The following TASP1 variants were observed in gnomAD, a reference collection of about 807,000 sequenced individuals.
TASP1 encodes taspase 1.
A neutral mutation model predicts 56.6 loss-of-function variants in TASP1; 16 were observed. The ratio of observed to expected loss-of-function variants is 0.28; its 90% confidence interval spans 0.19 to 0.43. TASP1 has a LOEUF of 0.43. Among genes scored for constraint, TASP1 ranks in the 20% least tolerant of loss-of-function variants. TASP1 has a pLI of 1.00. For missense variants in TASP1, 393 were observed against 511.6 expected, an observed-to-expected ratio of 0.77 and a Z score of 2.24; for synonymous variants, 179 against 184.2, an observed-to-expected ratio of 0.97 and a Z score of 0.23.
At chr20:13,253,273 C>T in the TASP1 span, among the ~76,000 whole-genome samples, 1 of 152,188 alleles carries the variant, frequency 6.6e-6, no homozygotes, top group Non-Finnish European at 1.5e-5. Context: ...GCTTCCTTCA[C>T]CCAGGGACCC....
chr20:13,214,962 T>C, the TASP1 span, among the ~76,000 whole-genome samples: 3 of 152,226 alleles, frequency 2.0e-5, no homozygotes, highest in Admixed American at 6.5e-5. Context: ...AAATGTATGG[T>C]GAGAGAAGTC....
At chr20:13,548,103 T>C (rs2045868694) in intron 8 of TASP1, among the ~76,000 whole-genome samples, 1 of 151,978 alleles carries the variant, frequency 6.6e-6, no homozygotes, top group Non-Finnish European at 1.5e-5. Context: ...TGGCAAAAGA[T>C]TGGAAAGACA....
At chr20:13,282,991 C>T in the TASP1 span, among the ~76,000 whole-genome samples, 1 of 152,134 alleles carries the variant, frequency 6.6e-6, no homozygotes, top group East Asian at 1.9e-4. Context: ...TCCGGAATTC[C>T]ATACAGCATC....
the TASP1 span, among the ~76,000 whole-genome samples, chr20:13,137,288 T>C: frequency 1.3e-5 from 2 of 152,176 alleles, no homozygotes; most frequent in South Asian, 4.1e-4. Context: ...GGGAAGTTGT[T>C]GCCTTGGCTG....
At chr20:13,140,354 C>CA in the TASP1 span, among the ~76,000 whole-genome samples, 32 of 152,176 alleles carry the variant, frequency 2.1e-4, no homozygotes, top group African/African-American at 6.3e-4. Context: ...GGACCATAGA[C>CA]GAAAAGGAAG....
intron 13 of TASP1, among the ~76,000 whole-genome samples, chr20:13,407,677 AT>A (rs1463872435): frequency 6.6e-6 from 1 of 152,130 alleles, no homozygotes; most frequent in Non-Finnish European, 1.5e-5. Flanking sequence ...TAGCAGCACC[AT>A]TTTTACATTC....
the TASP1 span, among the ~76,000 whole-genome samples, chr20:13,319,501 A>G: frequency 3.9e-5 from 6 of 152,224 alleles, no homozygotes; most frequent in African/African-American, 1.4e-4. Flanking sequence ...GGAGAGTGAG[A>G]GAAGGGAGCT....
the TASP1 span, among the ~76,000 whole-genome samples, chr20:13,205,212 C>T: frequency 6.6e-6 from 1 of 152,168 alleles, no homozygotes; most frequent in Admixed American, 6.5e-5. Context: ...CTCCACTCCC[C>T]TCTCACTGTA....
intron 10 of TASP1, among the ~76,000 whole-genome samples, chr20:13,484,057 T>G (rs1361799036): frequency 6.6e-6 from 1 of 152,040 alleles, no homozygotes; most frequent in Non-Finnish European, 1.5e-5. Flanking sequence ...CATGCAAAAA[T>G]GCTTATCATC....
the TASP1 span, among the ~76,000 whole-genome samples, chr20:13,176,759 A>G: frequency 6.6e-6 from 1 of 152,242 alleles, no homozygotes; most frequent in Admixed American, 6.5e-5. Flanking sequence ...CAAATTCAAT[A>G]AAATTGCAGG....
chr20:13,279,568 C>T, the TASP1 span: 1 of 1,499,580 alleles, frequency 6.7e-7, no homozygotes, highest in East Asian at 2.4e-5. Flanking sequence ...AGACTTTCTT[C>T]CAAGGGTCAT....
the TASP1 span, among the ~76,000 whole-genome samples, chr20:13,233,764 C>T: frequency 1.3e-5 from 2 of 152,146 alleles, no homozygotes; most frequent in African/African-American, 4.8e-5. Flanking sequence ...CCTTCTCTTA[C>T]ACATAAGGTA....
At chr20:13,363,790 G>A in the TASP1 span, among the ~76,000 whole-genome samples, 16 of 152,166 alleles carry the variant, frequency 1.1e-4, no homozygotes, top group East Asian at 1.9e-4. Context: ...GGCAGTGCAG[G>A]GAGGGGGAAC....
chr20:13,166,278 C>G, the TASP1 span: 1 of 152,616 alleles, frequency 6.6e-6, no homozygotes, highest in Non-Finnish European at 1.5e-5. Context: ...AGAAACTCCA[C>G]CCGCAGCGCC....
chr20:13,224,395 C>A, the TASP1 span, among the ~76,000 whole-genome samples: 2 of 152,160 alleles, frequency 1.3e-5, no homozygotes, highest in South Asian at 4.1e-4. Flanking sequence ...CGTTTTCAGG[C>A]CCCAGAAAGT....
chr20:13,349,582 G>A, the TASP1 span, among the ~76,000 whole-genome samples: 2 of 152,098 alleles, frequency 1.3e-5, no homozygotes, highest in Non-Finnish European at 2.9e-5. Flanking sequence ...AAGAGGACCA[G>A]CATATCCAGT....
chr20:13,419,518 G>A (rs528759338), intron 12 of TASP1, among the ~76,000 whole-genome samples: 1 of 152,290 alleles, frequency 6.6e-6, no homozygotes, highest in Admixed American at 6.5e-5. Flanking sequence ...TCAAAATTCT[G>A]AGTTTTCGAA....
the TASP1 span, among the ~76,000 whole-genome samples, chr20:13,193,230 A>C: frequency 6.6e-6 from 1 of 152,226 alleles, no homozygotes; most frequent in Non-Finnish European, 1.5e-5. Flanking sequence ...AATTACAAAC[A>C]TGACAGCTGT....
At chr20:13,419,525 C>T (rs1428936733) in intron 12 of TASP1, among the ~76,000 whole-genome samples, 1 of 152,184 alleles carries the variant, frequency 6.6e-6, no homozygotes. Flanking sequence ...TCTGAGTTTT[C>T]GAAGGCATTT....
Sources: allele counts gnomAD v4.1 joint callset (sites outside exome capture counted in the v4.1 genomes callset), GRCh38; gene constraint gnomAD v4.1.1; transcripts MANE v1.5; gene names NCBI Gene and HGNC (gene_info 2026-07-23, HGNC 2026-07-21).